The following CDH4 variants were observed in gnomAD, a reference collection of about 807,000 sequenced individuals.
The protein encoded by CDH4 is cadherin-4.
A neutral mutation model predicts 86.0 loss-of-function variants in CDH4; 33 were observed. The ratio of observed to expected loss-of-function variants is 0.38; its 90% CI spans 0.29 to 0.51. The LOEUF (loss-of-function observed/expected upper bound fraction) is 0.51, where lower values mean the gene tolerates loss of function less well. Ranked by LOEUF, CDH4 falls within the 20% of genes least tolerant of loss-of-function variation. The probability of loss-of-function intolerance (pLI) is 0.86; values close to 1 mark genes in which losing one functional copy is unlikely to be tolerated. For missense variants in CDH4, 1,114 were observed against 1,307.4 expected (o/e 0.85, Z 2.28); for synonymous variants, 555 against 549.4 (o/e 1.01, Z -0.14).
chr20:61,836,217 C>A (rs16985641), intron 4 of CDH4, among the ~76,000 whole-genome samples: 3,918 of 152,286 alleles, frequency 0.026, 139 homozygotes, highest in East Asian at 0.098. Flanking sequence ...CATGGGAGAA[C>A]AATGACGCCC....
chr20:61,908,390 TGA>T (rs2054814739), intron 8 of CDH4, among the ~76,000 whole-genome samples: 1 of 152,242 alleles, frequency 6.6e-6, no homozygotes, highest in African/African-American at 2.4e-5. Context: ...CCTGTTCACC[TGA>T]TGTCTTTGTC....
intron 2 of CDH4, among the ~76,000 whole-genome samples, chr20:61,409,500 G>A (rs1261935702): frequency 6.6e-6 from 1 of 152,238 alleles, no homozygotes; most frequent in Non-Finnish European, 1.5e-5. Context: ...GGGAAGGGCT[G>A]CATGCTCATC....
chr20:61,463,717 G>A lies in CDH4; in HGVS notation c.169+208780G>A, dbSNP rs562752663. ...CTGCACCAGGGCAGTCAAATGGTCC[G>A]GAAAGACTTTATTCAAGACTCTTGC... On this transcript the variant is annotated intron_variant, in intron 2 of 15. Transcript: ENST00000614565. Among the ~76,000 whole-genome samples the A allele has an allele frequency of 4.0e-4, 61 of 152,280 alleles. No homozygotes were observed. The South Asian group carries it at 5.2e-3, about 13-fold the overall frequency.
chr20:61,449,133 G>A (rs2044304572), intron 2 of CDH4, among the ~76,000 whole-genome samples: 1 of 152,172 alleles, frequency 6.6e-6, no homozygotes. Context: ...GGGTGAGGGT[G>A]TTCAGGCTTC....
chr20:61,649,634 C>T (rs537004634), intron 2 of CDH4, among the ~76,000 whole-genome samples: 5 of 152,262 alleles, frequency 3.3e-5, no homozygotes, highest in Admixed American at 6.5e-5. Flanking sequence ...TGACTCCTGC[C>T]GGGAGCGCGC....
At position 61,417,989 on chromosome 20, in the gene CDH4, G is replaced by T. The variant is rs941948625; in HGVS notation, c.169+163052G>T. On this transcript the variant is annotated intron_variant, in intron 2 of 15. Transcript: ENST00000614565. This position sits in a 1 kb window ranked among gnomAD's most constrained non-coding sequence, Gnocchi z 4.0. ...GGGGATGCTGCATTCGAGGCACAGA[G>T]AAGCCACCTGCTTCCTTAGACAGAT... Among the ~76,000 whole-genome samples, 1 of 152,064 alleles carries T rather than the reference G, an allele frequency of 6.6e-6. No homozygotes were observed. Among genetic ancestry groups the T allele is most frequent in the African/African-American group, 2.4e-5 (1 of 41,412 alleles).
chr20:61,895,363 C>T (rs1985056779), intron 8 of CDH4, among the ~76,000 whole-genome samples: 1 of 152,232 alleles, frequency 6.6e-6, no homozygotes, highest in African/African-American at 2.4e-5. Context: ...CTTTGGAAGG[C>T]CTGCGTGTGG....
chr20:61,309,740 C>G (rs2084435639), intron 2 of CDH4, among the ~76,000 whole-genome samples: 1 of 151,940 alleles, frequency 6.6e-6, no homozygotes, highest in Non-Finnish European at 1.5e-5. Context: ...ATTCCCTTGT[C>G]CTTTAATTCC....
intron 2 of CDH4, among the ~76,000 whole-genome samples, chr20:61,716,285 G>A (rs1322036775): frequency 3.3e-5 from 5 of 152,154 alleles, no homozygotes; most frequent in African/African-American, 1.2e-4. Context: ...CCCCTTGGCT[G>A]GACCTGTAAA....
intron 6 of CDH4, among the ~76,000 whole-genome samples, chr20:61,870,836 G>A (rs1983772750): frequency 6.6e-6 from 1 of 152,164 alleles, no homozygotes; most frequent in Non-Finnish European, 1.5e-5. Context: ...CTTGATGAAG[G>A]CTGAACGTTA....
chr20:61,800,371 G>A (rs893242507), intron 4 of CDH4, among the ~76,000 whole-genome samples: 9 of 152,166 alleles, frequency 5.9e-5, no homozygotes, highest in African/African-American at 1.9e-4. Context: ...TTTAGACTAC[G>A]CCAAGAGTCC....
chr20:61,696,464 C>T (rs1278107232), intron 2 of CDH4, among the ~76,000 whole-genome samples: 1 of 152,198 alleles, frequency 6.6e-6, no homozygotes, highest in Non-Finnish European at 1.5e-5. Context: ...ACTGGCTGAG[C>T]GCCAGCTGTG....
chr20:61,628,647 G>A (rs2086854673), intron 2 of CDH4, among the ~76,000 whole-genome samples: 1 of 152,250 alleles, frequency 6.6e-6, no homozygotes, highest in Non-Finnish European at 1.5e-5. Flanking sequence ...TCCAGGTCCT[G>A]TGGGGGATGG....
rs145428990 is a variant in CDH4 at position 61,870,055 on chromosome 20, C to T, written c.878-3673C>T. ...TCAGGGCAGGCACTCAAAGGGAGTA[C>T]GCGGGTCTCTGCCTCACAGTGGATC... On this transcript the variant is annotated intron_variant, in intron 6 of 15. Coordinates refer to ENST00000614565, the MANE Select transcript of CDH4 (RefSeq NM_001794.5). 6.7e-4 allele frequency among the ~76,000 whole-genome samples: 102 copies of T among 152,310 alleles called. 1 individual carries two copies. Among genetic ancestry groups the T allele is most frequent in the African/African-American group, 2.2e-3 (90 of 41,576 alleles).
rs540178413 is a variant in CDH4, at chr20:61,847,225, A to G, written c.732+2402A>G. On this transcript the variant is annotated intron_variant, in intron 5 of 15. Transcript: ENST00000614565. ...GGTTTCAGGGCTCAGCTACCTCTGC[A>G]CACAGCACGGCTAGGGGACGGGGAC... Among the ~76,000 whole-genome samples the G allele has an allele frequency of 4.6e-5, 7 of 152,326 alleles. No individual in the cohort carries two copies. The East Asian group carries it at 1.4e-3, about 29-fold the overall frequency.
chr20:61,541,435 C>A (rs1045651784), intron 2 of CDH4, among the ~76,000 whole-genome samples: 1 of 152,162 alleles, frequency 6.6e-6, no homozygotes, highest in African/African-American at 2.4e-5. Context: ...TAATAGCAAG[C>A]ACACTGGCTA....
Position 61,850,442 on chromosome 20 carries a change from T to C in CDH4, c.733-2312T>C, listed in dbSNP as rs539378820. ...TGGACTGTTCCCAGTTCCATACGCC[T>C]TGGAGGGAACCCACACCCACAATTA... On this transcript the variant is annotated intron_variant, in intron 5 of 15. Coordinates refer to ENST00000614565, the MANE Select transcript of CDH4 (RefSeq NM_001794.5). Among the ~76,000 whole-genome samples, 184 of 152,238 alleles carry C rather than the reference T, an allele frequency of 1.2e-3. 6 individuals are homozygous for C. In the South Asian group the frequency reaches 0.037, roughly 31 times the overall value.
chr20:61,895,574 G>A (rs1004040538), intron 8 of CDH4, among the ~76,000 whole-genome samples: 1 of 152,204 alleles, frequency 6.6e-6, no homozygotes, highest in Non-Finnish European at 1.5e-5. Flanking sequence ...TAGTTCACAG[G>A]GGACCAAACT....
intron 15 of CDH4, 78 bp downstream of exon 15, chr20:61,934,298 C>T: frequency 4.2e-6 from 6 of 1,439,386 alleles, no homozygotes; most frequent in Non-Finnish European, 5.6e-6. Flanking sequence ...CACACAGAAG[C>T]CATCTCCACA....
Sources: allele counts gnomAD v4.1 joint callset (sites outside exome capture counted in the v4.1 genomes callset), GRCh38; gene constraint gnomAD v4.1.1; non-coding constraint Gnocchi (gnomAD v3.1); transcripts MANE v1.5; gene names NCBI Gene and HGNC (gene_info 2026-07-23, HGNC 2026-07-21).